The following ARHGAP24 variants were observed in gnomAD, a reference collection of about 807,000 sequenced individuals.
ARHGAP24 encodes rho GTPase-activating protein 24.
ARHGAP24 carries 50 observed loss-of-function variants against 76.4 expected under a neutral mutation model. The observed-to-expected ratio is 0.65, with a 90% confidence interval of 0.52 to 0.83. The LOEUF (loss-of-function observed/expected upper bound fraction) is 0.83, where lower values mean the gene tolerates loss of function less well. Ranked by LOEUF, ARHGAP24 falls within the 40% of genes least tolerant of loss-of-function variation. The pLI is 0.00. For synonymous variants in ARHGAP24, 345 were observed against 323.3 expected (o/e 1.07, Z -0.72); for missense variants, 930 against 914.2 (o/e 1.02, Z -0.22).
chr4:85,912,629 A>C (rs1735152030), intron 3 of ARHGAP24, among the ~76,000 whole-genome samples: 1 of 152,176 alleles, frequency 6.6e-6, no homozygotes, highest in African/African-American at 2.4e-5. Context: ...CTGCTATGTA[A>C]AATTGGGTAA....
At chr4:85,851,344 C>G (rs1731219382) in intron 3 of ARHGAP24, among the ~76,000 whole-genome samples, 1 of 152,156 alleles carries the variant, frequency 6.6e-6, no homozygotes. Flanking sequence ...ATGTGTGTGT[C>G]TGCACATGAG....
intron 3 of ARHGAP24, among the ~76,000 whole-genome samples, chr4:85,879,648 A>G (rs1411593702): frequency 5.9e-5 from 9 of 152,076 alleles, no homozygotes; most frequent in Non-Finnish European, 1.0e-4. Context: ...TGTGGAGGAT[A>G]CCTTTTAAAC....
At chr4:85,624,680 C>T (rs998549177) in intron 2 of ARHGAP24, among the ~76,000 whole-genome samples, 1 of 152,080 alleles carries the variant, frequency 6.6e-6, no homozygotes, top group South Asian at 2.1e-4. Context: ...CCTCTTTGTA[C>T]CTCTGGTAGA....
At chr4:85,520,081 G>A (rs1447964719) in intron 1 of ARHGAP24, among the ~76,000 whole-genome samples, 1 of 152,126 alleles carries the variant, frequency 6.6e-6, no homozygotes, top group Non-Finnish European at 1.5e-5. Context: ...TTAATGAATT[G>A]TTGTTTCAAA....
intron 2 of ARHGAP24, among the ~76,000 whole-genome samples, chr4:85,662,230 T>C (rs374900919): frequency 1.3e-3 from 197 of 152,136 alleles, no homozygotes; most frequent in African/African-American, 2.8e-3. Context: ...GAGATGGTAT[T>C]TCATTGTGGT....
intron 1 of ARHGAP24, among the ~76,000 whole-genome samples, chr4:85,536,162 T>C (rs896636490): frequency 1.3e-5 from 2 of 152,060 alleles, no homozygotes; most frequent in Admixed American, 1.3e-4. Context: ...ACATGCTAAT[T>C]ACTCTCAGAG....
At chr4:85,936,960 C>T (rs1736669639) in intron 4 of ARHGAP24, among the ~76,000 whole-genome samples, 1 of 152,172 alleles carries the variant, frequency 6.6e-6, no homozygotes, top group African/African-American at 2.4e-5. Context: ...GCCACCTAAA[C>T]ATTGTTGACT....
chr4:85,475,668 GGCGGGGAGGGGGC>G (rs1722556534), intron 1 of ARHGAP24, 109 bp downstream of exon 1: 1 of 30,822 alleles, frequency 3.2e-5, no homozygotes, highest in Admixed American at 2.8e-4. Context: ...GGCTGCGGGG[GGCGGGGAGGGGGC>G]TGCGGGGGGC....
intron 1 of ARHGAP24, among the ~76,000 whole-genome samples, chr4:85,477,779 G>T (rs1015106819): frequency 6.6e-6 from 1 of 152,130 alleles, no homozygotes. Context: ...TTTCCGGCTC[G>T]ATTAAAGTCT....
At chr4:85,826,846 G>A (rs1028560340) in intron 3 of ARHGAP24, among the ~76,000 whole-genome samples, 1 of 152,204 alleles carries the variant, frequency 6.6e-6, no homozygotes, top group Non-Finnish European at 1.5e-5. Context: ...TCTAAAGGGT[G>A]AGAATAATTT....
intron 2 of ARHGAP24, among the ~76,000 whole-genome samples, chr4:85,646,326 A>G (rs1721720444): frequency 6.6e-6 from 1 of 152,204 alleles, no homozygotes; most frequent in African/African-American, 2.4e-5. Flanking sequence ...CATCATCATT[A>G]TAAAGGAATT....
intron 8 of ARHGAP24, among the ~76,000 whole-genome samples, chr4:85,985,473 G>A (rs151022814): frequency 6.6e-6 from 1 of 152,258 alleles, no homozygotes; most frequent in African/African-American, 2.4e-5. Context: ...ACACACTGGG[G>A]CCTGTTGGAG....
intron 2 of ARHGAP24, among the ~76,000 whole-genome samples, chr4:85,645,584 A>G (rs565883159): frequency 7.0e-4 from 107 of 152,208 alleles, no homozygotes; most frequent in Non-Finnish European, 1.1e-3. Flanking sequence ...TGAGGTGCAT[A>G]TGCTGCATGG....
At chr4:85,770,311 T>C (rs989751913) in intron 3 of ARHGAP24, among the ~76,000 whole-genome samples, 30 of 152,240 alleles carry the variant, frequency 2.0e-4, no homozygotes, top group African/African-American at 7.0e-4. Context: ...GGAGCCCAAG[T>C]AAGCTTAATA....
chr4:85,881,236 C>A (rs1436272692), intron 3 of ARHGAP24, among the ~76,000 whole-genome samples: 1 of 152,210 alleles, frequency 6.6e-6, no homozygotes, highest in South Asian at 2.1e-4. Context: ...TGGGATGGAG[C>A]AAGACAGCAC....
At chr4:85,547,583 G>A (rs1315888497) in intron 1 of ARHGAP24, among the ~76,000 whole-genome samples, 1 of 151,986 alleles carries the variant, frequency 6.6e-6, no homozygotes, top group East Asian at 1.9e-4. Context: ...CTACAGTCAC[G>A]CACCACCATG....
At chr4:85,644,558 TTAAGA>T (rs1221773223) in intron 2 of ARHGAP24, among the ~76,000 whole-genome samples, 1 of 152,092 alleles carries the variant, frequency 6.6e-6, no homozygotes, top group Non-Finnish European at 1.5e-5. Flanking sequence ...AAATTTATTC[TTAAGA>T]TAGAGATAAC....
At chr4:85,581,138 A>C (rs779159178) in intron 2 of ARHGAP24, among the ~76,000 whole-genome samples, 10 of 152,150 alleles carry the variant, frequency 6.6e-5, no homozygotes, top group Non-Finnish European at 1.2e-4. Flanking sequence ...TATACTGCTT[A>C]TGAGCTAGGT....
intron 1 of ARHGAP24, among the ~76,000 whole-genome samples, chr4:85,519,914 C>T (rs2110110404): frequency 6.6e-6 from 1 of 152,216 alleles, no homozygotes; most frequent in Non-Finnish European, 1.5e-5. Flanking sequence ...CATCATTTTC[C>T]ATACAAAAAT....
Sources: gnomAD v4.1 joint callset for allele counts (sites outside exome capture counted in the v4.1 genomes callset) on GRCh38, gnomAD v4.1.1 for gene constraint, MANE v1.5 for transcripts, NCBI Gene and HGNC (gene_info 2026-07-23, HGNC 2026-07-21) for gene names.